The following RNASEH2C variants were observed in gnomAD, a reference collection of about 807,000 sequenced individuals.
RNASEH2C encodes RNase H1 small subunit.
A neutral mutation model predicts 16.3 loss-of-function variants in RNASEH2C; 20 were observed. The ratio of observed to expected loss-of-function variants is 1.23; its 90% CI spans 0.86 to 1.79. The LOEUF (loss-of-function observed/expected upper bound fraction) is 1.79. Among genes scored for constraint, RNASEH2C ranks in the 40% most tolerant of loss-of-function variants. The pLI, the probability that RNASEH2C is intolerant of heterozygous loss-of-function variation, is 0.00. For synonymous variants in RNASEH2C, 106 were observed against 98.9 expected (o/e 1.07, Z -0.43); for missense variants, 296 against 235.9 (o/e 1.25, Z -1.67).
Position 65,719,480 on chromosome 11 carries a change from G to A in RNASEH2C, c.*303C>T, listed in dbSNP as rs1590971507. 2 of 609,580 alleles carry A rather than the reference G, an allele frequency of 3.3e-6. No individual in the cohort carries two copies. Among genetic ancestry groups the A allele is most frequent in the Non-Finnish European group, 5.8e-6 (2 of 346,072 alleles). 37.8% of individuals were successfully genotyped at this position (609,580 alleles called of 1,614,324 possible). ...TCCGGATGGGGGAGCTCTGTACAGA[G>A]GGCTGGTGATTGTAAAAATTTCTTT... On this transcript the variant is annotated 3_prime_UTR_variant, in exon 4 of 4. Transcript: ENST00000308418.
chr11:65,720,534 G>C (rs1431291985), intron 1 of RNASEH2C, 53 bp downstream of exon 1: 2 of 1,528,286 alleles, frequency 1.3e-6, no homozygotes, highest in Non-Finnish European at 1.8e-6. Context: ...GATGAGAAGC[G>C]CGCAGGCCGG....
chr11:65,718,315 C>A lies in RNASEH2C; in HGVS notation c.*1468G>T. The A allele has an allele frequency of 2.7e-6, 1 of 376,074 alleles. No individual in the cohort carries two copies. Among genetic ancestry groups the A allele is most frequent in the Non-Finnish European group, 4.8e-6 (1 of 206,608 alleles). The allele number at this position is 376,074 out of a possible 1,614,324, so 23.3% of individuals were successfully genotyped here. ...GAGCCATTTTCTCTGCATCCCCTGCCCATAAGCCTTCACTGGCCTCTGATC... is the reference window on the plus strand; with the variant it reads ...GAGCCATTTTCTCTGCATCCCCTGCACATAAGCCTTCACTGGCCTCTGATC... On this transcript the variant is annotated 3_prime_UTR_variant, in exon 4 of 4. Transcript: ENST00000308418.
Position 65,719,741 on chromosome 11 carries a change from T to A in RNASEH2C, c.*42A>T, listed in dbSNP as rs752072296. On this transcript the variant is annotated 3_prime_UTR_variant, in exon 4 of 4. Coordinates refer to ENST00000308418, the MANE Select transcript of RNASEH2C (RefSeq NM_032193.4). ...AATCGGTTCCAAAGAGCTGGTTTAC[T>A]GCTGTGAAGGGATCGCAGCTTTGAA... 28 of 1,607,406 alleles carry A rather than the reference T, an allele frequency of 1.7e-5. No individual in the cohort carries two copies. Among genetic ancestry groups the A allele is most frequent in the Non-Finnish European group, 2.4e-5 (28 of 1,174,186 alleles).
chr11:65,719,968 C>A, intron 3 of RNASEH2C, 77 bp downstream of exon 3: 2 of 1,608,884 alleles, frequency 1.2e-6, no homozygotes, highest in Non-Finnish European at 1.7e-6. Flanking sequence ...CCAGTAGAAT[C>A]CTCCAGGCTC....
chr11:65,720,642 G>A lies in RNASEH2C; in HGVS notation c.117C>T (p.Asp39=), dbSNP rs2135654177. The change falls in exon 1 of 4, where the codon GAC becomes GAT. Residue 39 remains aspartate, a synonymous_variant. Coordinates refer to ENST00000308418, the MANE Select transcript of RNASEH2C (RefSeq NM_032193.4). ...AGAAGCGCCCCACCGGGGCGGGCCC[G>A]TCCACCGCAACCTCGCAGGGCAGCA... ...LHLLPCEVAV[D]GPAPVGRFFT... 1.3e-6 allele frequency: 2 copies of A among 1,569,190 alleles called. No homozygotes were observed. The highest frequency in any genetic ancestry group is 1.8e-5 in the Admixed American group (1 of 55,248).
In RNASEH2C at chr11:65,719,324, GGCCCACTGGTGCCCAGCA is replaced by G. The variant is rs1219956694; in HGVS notation, c.*441_*458del. On this transcript the variant is annotated 3_prime_UTR_variant, in exon 4 of 4. Coordinates refer to ENST00000308418, the MANE Select transcript of RNASEH2C (RefSeq NM_032193.4). ...AAAAGGAGAGGACAGGCCTGGCAGG[GGCCCACTGGTGCCCAGCA>G]CCAAGGCGAGCTCCGGGCTCAGACC... The G allele has an allele frequency of 4.1e-5, 43 of 1,048,404 alleles. No individual in the cohort carries two copies. Among genetic ancestry groups the G allele is most frequent in the Non-Finnish European group, 5.3e-5 (39 of 741,972 alleles). 64.9% of individuals were successfully genotyped at this position (1,048,404 alleles called of 1,614,324 possible). A position where few individuals can be genotyped will look rare whatever the true frequency, so the allele number is the denominator to read the frequency against.
chr11:65,719,055 C>T lies in RNASEH2C; in HGVS notation c.*728G>A. On this transcript the variant is annotated 3_prime_UTR_variant, in exon 4 of 4. Transcript: ENST00000308418. ...CCATCTCCTCTGCCCAGGGCCAGTA[C>T]ATCCTCACACTGTCAGAGGACATCG... 1 of 1,614,164 alleles carries T rather than the reference C, an allele frequency of 6.2e-7. No individual in the cohort carries two copies. The highest frequency in any genetic ancestry group is 1.7e-5 in the Admixed American group (1 of 60,018).
At position 65,720,038 on chromosome 11, in the gene RNASEH2C, T is replaced by C. The variant is rs766075749; in HGVS notation, c.468+7A>G. Reference sequence around the variant, plus strand: ...CGGGGGCAAGACGGAACTCCTCGTCTACTCACCGCTGCCGCAAGGCTGGGC... The same window carrying C: ...CGGGGGCAAGACGGAACTCCTCGTCCACTCACCGCTGCCGCAAGGCTGGGC... On this transcript the variant is annotated splice_region_variant and intron_variant, in intron 3 of 3. Transcript: ENST00000308418. The C allele has an allele frequency of 1.2e-6, 2 of 1,613,076 alleles. No homozygotes were observed. The highest frequency in any genetic ancestry group is 1.7e-6 in the Non-Finnish European group (2 of 1,180,054).
At position 65,719,718 on chromosome 11, in the gene RNASEH2C, T is replaced by C; in HGVS notation, c.*65A>G. 2 of 1,560,362 alleles carry C rather than the reference T, an allele frequency of 1.3e-6. No individual in the cohort carries two copies. Among genetic ancestry groups the C allele is most frequent in the Non-Finnish European group, 1.8e-6 (2 of 1,132,326 alleles). On this transcript the variant is annotated 3_prime_UTR_variant, in exon 4 of 4. Transcript: ENST00000308418. Reference sequence around the variant, plus strand: ...GAGCTCCTTTATTGGGGTGATGGAATCGGTTCCAAAGAGCTGGTTTACTGC... The same window carrying C: ...GAGCTCCTTTATTGGGGTGATGGAACCGGTTCCAAAGAGCTGGTTTACTGC...
intron 1 of RNASEH2C, 32 bp downstream of exon 1, chr11:65,720,555 G>A (rs1345593738): frequency 1.3e-6 from 2 of 1,518,216 alleles, no homozygotes; most frequent in Admixed American, 2.1e-5. Context: ...CGCGGGGGCT[G>A]CCGGGAGCCG....
At chr11:65,720,563 C>A (rs1034825042) in intron 1 of RNASEH2C, 24 bp downstream of exon 1, 3 of 1,518,718 alleles carry the variant, frequency 2.0e-6, no homozygotes, top group South Asian at 2.4e-5. Flanking sequence ...CTGCCGGGAG[C>A]CGTAGTCCGG....
chr11:65,719,248 A>C lies in RNASEH2C; in HGVS notation c.*535T>G. On this transcript the variant is annotated 3_prime_UTR_variant, in exon 4 of 4. Transcript: ENST00000308418. ...GGGGCTGATAGCCCACCCCGCCCCC[A>C]CTGCAGCTCCCACAAAGCACTCTAA... The C allele has an allele frequency of 6.4e-7, 1 of 1,563,534 alleles. No individual in the cohort carries two copies. The highest frequency in any genetic ancestry group is 8.7e-7 in the Non-Finnish European group (1 of 1,148,914).
Position 65,718,419 on chromosome 11 carries a change from AC to A in RNASEH2C, c.*1363del, listed in dbSNP as rs1565211280. 5 of 682,906 alleles carry A rather than the reference AC, an allele frequency of 7.3e-6. No individual in the cohort carries two copies. The highest frequency in any genetic ancestry group is 1.3e-5 in the Non-Finnish European group (5 of 392,030). 42.3% of individuals were successfully genotyped at this position (682,906 alleles called of 1,614,324 possible). A position where few individuals can be genotyped will look rare whatever the true frequency, so the allele number is the denominator to read the frequency against. ...TGCTCAGCGCACGGAAAGAGTGAAT[AC>A]TCAGTTCTTCCTGAGGGAACTGAGG... On this transcript the variant is annotated 3_prime_UTR_variant, in exon 4 of 4. Coordinates refer to ENST00000308418, the MANE Select transcript of RNASEH2C (RefSeq NM_032193.4).
rs772940104 is a variant in RNASEH2C at position 65,720,411 on chromosome 11, T to TC, written c.178dup (p.Glu60GlyfsTer46). The TC allele has an allele frequency of 3.7e-6, 6 of 1,613,856 alleles. No homozygotes were observed. The highest frequency in any genetic ancestry group is 5.1e-6 in the Non-Finnish European group (6 of 1,180,008). ...TAGACAGCGGCCCCGAAACGACACT[T>TC]CGAGTCCTGGAGCGGGAGGCGCAAA... On this transcript the variant is annotated frameshift_variant, in exon 2 of 4. Coordinates refer to ENST00000308418, the MANE Select transcript of RNASEH2C (RefSeq NM_032193.4). LOFTEE classifies it high-confidence loss of function.
chr11:65,720,589 T>A lies in RNASEH2C; in HGVS notation c.170A>T (p.Glu57Val), dbSNP rs1565213663. 2 of 1,532,770 alleles carry A rather than the reference T, an allele frequency of 1.3e-6. No homozygotes were observed. The highest frequency in any genetic ancestry group is 8.7e-7 in the Non-Finnish European group (1 of 1,143,088). The allele number at this position is 1,532,770 out of a possible 1,614,324, so 94.9% of individuals were successfully genotyped here. A position where few individuals can be genotyped will look rare whatever the true frequency, so the allele number is the denominator to read the frequency against. The change falls in exon 1 of 4, where the codon GAG (glutamate) becomes GTG (valine). Residue 57 changes from glutamate to valine, a missense_variant and splice_region_variant. By Grantham distance (121) the Glu-to-Val change is moderately radical. Coordinates refer to ENST00000308418, the MANE Select transcript of RNASEH2C (RefSeq NM_032193.4). ...FFTPAIRQGP[E>V]GLEVSFRGRC... Reference sequence around the variant, plus strand: ...CGTAGTCCGGCCGCAGGGCTCACCCTCGGGGCCCTGGCGGATGGCGGGCGT... The same window carrying A: ...CGTAGTCCGGCCGCAGGGCTCACCCACGGGGCCCTGGCGGATGGCGGGCGT...
At position 65,720,686 on chromosome 11, in the gene RNASEH2C, CG is replaced by C. The variant is rs1334290287; in HGVS notation, c.72del (p.Val25TyrfsTer59). On this transcript the variant is annotated frameshift_variant, in exon 1 of 4. Transcript: ENST00000308418. LOFTEE classifies it high-confidence loss of function. ...GGCAGCAGATGCAGTGTGGCGGGTACGGCGTCGCGCAATGTGGCGGAGCGCA... is the reference window on the plus strand; with the variant it reads ...GGCAGCAGATGCAGTGTGGCGGGTACGCGTCGCGCAATGTGGCGGAGCGCA... ...VHLRSATLRD[A>X]VPATLHLLPC... is the part of the protein sequence containing the mutation. 6.3e-7 allele frequency: 1 copy of C among 1,584,932 alleles called. No individual in the cohort carries two copies. Among genetic ancestry groups the C allele is most frequent in the Non-Finnish European group, 8.6e-7 (1 of 1,169,250 alleles).
At position 65,720,605 on chromosome 11, in the gene RNASEH2C, T is replaced by C. The variant is rs1857359607; in HGVS notation, c.154A>G (p.Ile52Val). Residue 52 changes from isoleucine to valine, a missense_variant, in exon 1 of 4, where the codon ATC (isoleucine) becomes GTC (valine). By Grantham distance (29) the Ile-to-Val change is conservative. Coordinates refer to ENST00000308418, the MANE Select transcript of RNASEH2C (RefSeq NM_032193.4). Reference sequence around the variant, plus strand: ...GGCTCACCCTCGGGGCCCTGGCGGATGGCGGGCGTGAAGAAGCGCCCCACC... The same window carrying C: ...GGCTCACCCTCGGGGCCCTGGCGGACGGCGGGCGTGAAGAAGCGCCCCACC... ...APVGRFFTPA[I>V]RQGPEGLEVS... 2.6e-6 allele frequency: 4 copies of C among 1,541,824 alleles called. No homozygotes were observed. Among genetic ancestry groups the C allele is most frequent in the Non-Finnish European group, 2.6e-6 (3 of 1,147,552 alleles).
chr11:65,719,392 G>C lies in RNASEH2C; in HGVS notation c.*391C>G. The C allele has an allele frequency of 1.6e-6, 1 of 636,286 alleles. No homozygotes were observed. The highest frequency in any genetic ancestry group is 2.7e-6 in the Non-Finnish European group (1 of 370,056). 39.4% of individuals were successfully genotyped at this position (636,286 alleles called of 1,614,324 possible). A position where few individuals can be genotyped will look rare whatever the true frequency, so the allele number is the denominator to read the frequency against. Reference sequence around the variant, plus strand: ...CAACTCCAAGGTCAGCTGGCCACAGGCCCAGGCCTCCTCTGAAGCAGGGAC... The same window carrying C: ...CAACTCCAAGGTCAGCTGGCCACAGCCCCAGGCCTCCTCTGAAGCAGGGAC... On this transcript the variant is annotated 3_prime_UTR_variant, in exon 4 of 4. Coordinates refer to ENST00000308418, the MANE Select transcript of RNASEH2C (RefSeq NM_032193.4).
chr11:65,718,989 A>T lies in RNASEH2C; in HGVS notation c.*794T>A. 6.2e-7 allele frequency: 1 copy of T among 1,614,046 alleles called. No individual in the cohort carries two copies. Among genetic ancestry groups the T allele is most frequent in the East Asian group, 2.2e-5 (1 of 44,882 alleles). On this transcript the variant is annotated 3_prime_UTR_variant, in exon 4 of 4. Coordinates refer to ENST00000308418, the MANE Select transcript of RNASEH2C (RefSeq NM_032193.4). ...CAGGCAGGGGAGACAGGTGTGTGGG[A>T]TGCAGAGTGCAGTCCTCTGTGGGCT...
Sources: gnomAD v4.1 joint callset for allele counts on GRCh38, gnomAD v4.1.1 for gene constraint, MANE v1.5 for transcripts, NCBI Gene and HGNC (gene_info 2026-07-23, HGNC 2026-07-21) for gene names.